CACNG3: variants seen among roughly 807,000 people sequenced by gnomAD.
CACNG3 encodes calcium voltage-gated channel auxiliary subunit gamma 3.
In CACNG3, 3 loss-of-function variants were observed where a neutral mutation model predicts 28.5. The observed-to-expected ratio is 0.11, with a 90% CI of 0.05 to 0.27. The LOEUF (loss-of-function observed/expected upper bound fraction) is 0.27. CACNG3 is among the 10% of genes least tolerant of loss of function. The pLI is 1.00. For synonymous variants in CACNG3, 174 were observed against 162.2 expected, an observed-to-expected ratio of 1.07 and a Z score of -0.55; for missense variants, 236 against 414.4, an observed-to-expected ratio of 0.57 and a Z score of 3.74.
chr16:24,263,746 A>T (rs1289028960), intron 1 of CACNG3, among the ~76,000 whole-genome samples: 1 of 152,220 alleles, frequency 6.6e-6, no homozygotes, highest in Non-Finnish European at 1.5e-5. Flanking sequence ...TTCTGTTTTA[A>T]TTCTTGTGTT....
At chr16:24,355,787 A>C (rs1900023819) in intron 3 of CACNG3, among the ~76,000 whole-genome samples, 1 of 152,094 alleles carries the variant, frequency 6.6e-6, no homozygotes, top group African/African-American at 2.4e-5. Flanking sequence ...TTTGAAAGTC[A>C]TCACGAGAGT....
chr16:24,351,724 G>GGA (rs201226171), intron 2 of CACNG3, among the ~76,000 whole-genome samples: 3,799 of 109,456 alleles, frequency 0.035, 68 homozygotes, highest in African/African-American at 0.05. Flanking sequence ...AAGGAGGGAG[G>GGA]GAGAGAGAGA....
At chr16:24,322,819 A>G (rs1469730555) in intron 1 of CACNG3, among the ~76,000 whole-genome samples, 1 of 152,168 alleles carries the variant, frequency 6.6e-6, no homozygotes, top group Non-Finnish European at 1.5e-5. Context: ...TTTTGCTATC[A>G]AGCCACAAAA....
At chr16:24,258,036 G>T (rs1348489800) in intron 1 of CACNG3, among the ~76,000 whole-genome samples, 1 of 152,178 alleles carries the variant, frequency 6.6e-6, no homozygotes, top group Non-Finnish European at 1.5e-5. Context: ...AGGCTTCCGA[G>T]AAATCTGTGA....
At chr16:24,316,216 T>C (rs1186862081) in intron 1 of CACNG3, among the ~76,000 whole-genome samples, 4 of 98,530 alleles carry the variant, frequency 4.1e-5, no homozygotes, top group Non-Finnish European at 1.0e-4. Context: ...GTCTGGACTT[T>C]ATCCATCATG....
intron 1 of CACNG3, among the ~76,000 whole-genome samples, chr16:24,290,716 G>C (rs1047298811): frequency 2.6e-5 from 4 of 152,148 alleles, no homozygotes; most frequent in African/African-American, 9.7e-5. Flanking sequence ...TGGGATTACA[G>C]GTGTGAGCCA....
intron 1 of CACNG3, among the ~76,000 whole-genome samples, chr16:24,277,741 C>T (rs1317655476): frequency 6.9e-6 from 1 of 145,342 alleles, no homozygotes; most frequent in African/African-American, 2.6e-5. Flanking sequence ...GATTGCACCA[C>T]TGCACTCCAG....
chr16:24,347,304 T>C (rs1247330210), intron 2 of CACNG3, among the ~76,000 whole-genome samples: 1 of 150,988 alleles, frequency 6.6e-6, no homozygotes. Context: ...GGTGACAGAG[T>C]GAGACCCTGT....
chr16:24,339,595 AG>A (rs1322662395), intron 1 of CACNG3, among the ~76,000 whole-genome samples: 1 of 152,162 alleles, frequency 6.6e-6, no homozygotes, highest in Non-Finnish European at 1.5e-5. Flanking sequence ...CATGCTGGCC[AG>A]GCTGGCCTCG....
At chr16:24,357,434 A>T (rs2141385014) in intron 3 of CACNG3, among the ~76,000 whole-genome samples, 1 of 152,232 alleles carries the variant, frequency 6.6e-6, no homozygotes, top group East Asian at 1.9e-4. Context: ...GAGAAAGCAC[A>T]ATATTATTTT....
intron 1 of CACNG3, among the ~76,000 whole-genome samples, chr16:24,327,693 A>G (rs1002826212): frequency 6.6e-6 from 1 of 151,666 alleles, no homozygotes; most frequent in African/African-American, 2.4e-5. Context: ...TGTAATCCCA[A>G]TGCTTTGGGG....
chr16:24,336,152 G>C (rs916475660), intron 1 of CACNG3, among the ~76,000 whole-genome samples: 1 of 151,828 alleles, frequency 6.6e-6, no homozygotes, highest in Non-Finnish European at 1.5e-5. Flanking sequence ...TTGACCCTGG[G>C]AGGCGGAGGT....
At chr16:24,355,322 T>C (rs1357907768) in intron 3 of CACNG3, among the ~76,000 whole-genome samples, 1 of 152,112 alleles carries the variant, frequency 6.6e-6, no homozygotes, top group Non-Finnish European at 1.5e-5. Context: ...ACGTGTGAAC[T>C]GATTGACTGG....
At chr16:24,294,333 A>G (rs1049924413) in intron 1 of CACNG3, among the ~76,000 whole-genome samples, 4 of 152,204 alleles carry the variant, frequency 2.6e-5, no homozygotes. Flanking sequence ...TGCTGGCAGC[A>G]GAGTCGCCTG....
intron 1 of CACNG3, among the ~76,000 whole-genome samples, chr16:24,272,243 C>T (rs1322890398): frequency 6.6e-6 from 1 of 151,976 alleles, no homozygotes; most frequent in African/African-American, 2.4e-5. Context: ...AATGCAAAAA[C>T]ATGTTCTCAA....
intron 1 of CACNG3, among the ~76,000 whole-genome samples, chr16:24,275,111 G>C (rs373940178): frequency 8.5e-5 from 13 of 152,120 alleles, no homozygotes; most frequent in Admixed American, 3.3e-4. Flanking sequence ...TATAATCCCA[G>C]CTACTCAGGA....
chr16:24,285,621 G>A (rs1307489472), intron 1 of CACNG3, among the ~76,000 whole-genome samples: 1 of 152,074 alleles, frequency 6.6e-6, no homozygotes, highest in African/African-American at 2.4e-5. Flanking sequence ...TTCAAGTCTA[G>A]CCTGGGCAAC....
chr16:24,308,694 A>T (rs961259042), intron 1 of CACNG3, among the ~76,000 whole-genome samples: 3 of 152,002 alleles, frequency 2.0e-5, no homozygotes, highest in South Asian at 2.1e-4. Context: ...AAGATTTAAA[A>T]ATTAGCCAGC....
chr16:24,323,084 G>A (rs1014706749), intron 1 of CACNG3, among the ~76,000 whole-genome samples: 1 of 151,968 alleles, frequency 6.6e-6, no homozygotes. Flanking sequence ...TAAACTAGCT[G>A]TGCATACTGG....
Sources: gnomAD v4.1 joint callset for allele counts (sites outside exome capture counted in the v4.1 genomes callset) on GRCh38, gnomAD v4.1.1 for gene constraint, MANE v1.5 for transcripts, NCBI Gene and HGNC (gene_info 2026-07-23, HGNC 2026-07-21) for gene names.